The following DARS1 variants were observed in gnomAD, a reference collection of about 807,000 sequenced individuals.
DARS1 encodes aspartate--tRNA ligase, cytoplasmic.
A neutral mutation model predicts 68.8 loss-of-function variants in DARS1; 51 were observed. That is an observed-to-expected ratio of 0.74 (90% confidence interval 0.59 to 0.94). The LOEUF is 0.94. Ranked by LOEUF, DARS1 falls within the 40% of genes least tolerant of loss-of-function variation. The probability of loss-of-function intolerance (pLI) is 0.00; values close to 1 mark genes in which losing one functional copy is unlikely to be tolerated. For missense variants in DARS1, 607 were observed against 597.3 expected, an observed-to-expected ratio of 1.02 and a Z score of -0.17; for synonymous variants, 203 against 190.4, an observed-to-expected ratio of 1.07 and a Z score of -0.55.
At chr2:135,920,239 A>G (rs1161100062) in intron 10 of DARS1, among the ~76,000 whole-genome samples, 1 of 152,252 alleles carries the variant, frequency 6.6e-6, no homozygotes, top group African/African-American at 2.4e-5. Context: ...AGCACAATAG[A>G]GGTTAATTAG....
At chr2:135,931,792 C>T (rs1681355039) in intron 7 of DARS1, among the ~76,000 whole-genome samples, 1 of 151,950 alleles carries the variant, frequency 6.6e-6, no homozygotes, top group Non-Finnish European at 1.5e-5. Context: ...TTAAGAAGTG[C>T]CATCCAGATT....
At chr2:135,929,991 A>G (rs940370278) in intron 7 of DARS1, among the ~76,000 whole-genome samples, 2 of 152,174 alleles carry the variant, frequency 1.3e-5, no homozygotes, top group Non-Finnish European at 2.9e-5. Flanking sequence ...TCTTGGACAG[A>G]CTGGTAACTT....
intron 4 of DARS1, among the ~76,000 whole-genome samples, chr2:135,957,370 T>C (rs1020864731): frequency 6.6e-6 from 1 of 151,908 alleles, no homozygotes; most frequent in East Asian, 1.9e-4. Flanking sequence ...TGGGACTACA[T>C]GTGCCCGCCA....
intron 4 of DARS1, among the ~76,000 whole-genome samples, chr2:135,957,616 C>G (rs910964452): frequency 6.6e-6 from 1 of 152,128 alleles, no homozygotes; most frequent in Non-Finnish European, 1.5e-5. Context: ...CCCATTTTGG[C>G]CTCCCAAATT....
intron 3 of DARS1, among the ~76,000 whole-genome samples, chr2:135,965,396 G>A (rs1361615011): frequency 6.6e-6 from 1 of 151,904 alleles, no homozygotes; most frequent in Non-Finnish European, 1.5e-5. Flanking sequence ...AGATAAACAG[G>A]CAATAGACCA....
chr2:135,985,241 C>T (rs1359455230), intron 1 of DARS1, 162 bp downstream of exon 1: 6 of 1,194,176 alleles, frequency 5.0e-6, no homozygotes, highest in African/African-American at 3.1e-5. Flanking sequence ...GGGTCTGGCC[C>T]CACTGCTGGG....
intron 9 of DARS1, 100 bp downstream of exon 9, chr2:135,922,684 C>T (rs1462192830): frequency 7.5e-7 from 1 of 1,325,808 alleles, no homozygotes; most frequent in Non-Finnish European, 9.6e-7. Context: ...ATAATTTAAG[C>T]TTTCAAAGTG....
chr2:135,972,755 T>C (rs1236568177), intron 3 of DARS1, among the ~76,000 whole-genome samples: 1 of 152,078 alleles, frequency 6.6e-6, no homozygotes, highest in African/African-American at 2.4e-5. Context: ...AATTTTAAAA[T>C]GGGCAAAAGA....
intron 4 of DARS1, among the ~76,000 whole-genome samples, chr2:135,945,073 C>T (rs960524275): frequency 6.6e-6 from 1 of 152,174 alleles, no homozygotes; most frequent in Non-Finnish European, 1.5e-5. Context: ...TTTGCTGGCC[C>T]TCTGCACCTT....
At chr2:135,974,446 A>G (rs1340034889) in intron 3 of DARS1, among the ~76,000 whole-genome samples, 7 of 152,242 alleles carry the variant, frequency 4.6e-5, no homozygotes, top group Non-Finnish European at 1.0e-4. Context: ...GAACCTCTCT[A>G]CATATACATC....
rs188865329 is a variant in DARS1, at chr2:135,951,921, C to T, written c.321-8441G>A. Among the ~76,000 whole-genome samples, 421 of 152,222 alleles carry T rather than the reference C, an allele frequency of 2.8e-3. 4 individuals are homozygous for T. The highest frequency in any genetic ancestry group is 0.015 in the South Asian group (73 of 4,830). On this transcript the variant is annotated intron_variant, in intron 4 of 15. Coordinates refer to ENST00000264161, the MANE Select transcript of DARS1 (RefSeq NM_001349.4). ...ATTTATGTATTTCTTAACCATTCAA[C>T]GAGTATAAAACTGTTACCTTTAAGA...
At chr2:135,917,281 C>T (rs1681025682) in intron 10 of DARS1, among the ~76,000 whole-genome samples, 1 of 152,018 alleles carries the variant, frequency 6.6e-6, no homozygotes, top group African/African-American at 2.4e-5. Flanking sequence ...CACAATTGGC[C>T]ACAGGTTGAC....
intron 12 of DARS1, 143 bp downstream of exon 12, chr2:135,914,326 T>A (rs568587714): frequency 1.7e-4 from 104 of 613,332 alleles, no homozygotes; most frequent in African/African-American, 8.0e-4. Flanking sequence ...AAGAAAAAAA[T>A]TTTTTTAATG....
intron 3 of DARS1, among the ~76,000 whole-genome samples, chr2:135,975,894 A>C (rs1033801819): frequency 1.3e-5 from 2 of 152,112 alleles, no homozygotes; most frequent in African/African-American, 4.8e-5. Context: ...GGTTGCAATG[A>C]GCTGAGATTG....
chr2:135,948,764 G>A (rs1190088743), intron 4 of DARS1, among the ~76,000 whole-genome samples: 1 of 152,018 alleles, frequency 6.6e-6, no homozygotes, highest in Non-Finnish European at 1.5e-5. Context: ...CTAGATACTC[G>A]GGAGGCTGAG....
At chr2:135,909,059 C>G (rs900404720) in intron 15 of DARS1, among the ~76,000 whole-genome samples, 3 of 148,450 alleles carry the variant, frequency 2.0e-5, no homozygotes. Context: ...CACATGTTCT[C>G]ACTTATAAGT....
chr2:135,976,794 A>G (rs1469149485), intron 3 of DARS1, among the ~76,000 whole-genome samples: 2 of 152,008 alleles, frequency 1.3e-5, no homozygotes, highest in Non-Finnish European at 1.5e-5. Flanking sequence ...AAAAAAAAAA[A>G]AAAAAAAATC....
intron 4 of DARS1, among the ~76,000 whole-genome samples, chr2:135,954,397 A>G (rs1011463574): frequency 6.6e-5 from 10 of 152,054 alleles, no homozygotes; most frequent in Non-Finnish European, 1.3e-4. Flanking sequence ...AAAAAAGACA[A>G]AAACAGTATT....
chr2:135,933,878 G>C, intron 6 of DARS1, 32 bp downstream of exon 6: 1 of 1,600,140 alleles, frequency 6.2e-7, no homozygotes. Flanking sequence ...ATATACAGCG[G>C]AAGCATAATA....
Sources: allele counts gnomAD v4.1 joint callset (sites outside exome capture counted in the v4.1 genomes callset), GRCh38; gene constraint gnomAD v4.1.1; transcripts MANE v1.5; gene names NCBI Gene and HGNC (gene_info 2026-07-23, HGNC 2026-07-21).